The following MRPL21 variants were observed in gnomAD, a reference collection of about 807,000 sequenced individuals.
MRPL21 encodes the protein mitochondrial ribosomal protein L21.
Under a neutral mutation model 27.3 loss-of-function variants are expected in MRPL21, and 20 were observed. That is an observed-to-expected ratio of 0.73 (90% confidence interval 0.52 to 1.06). MRPL21 has a LOEUF of 1.06. Ranked by LOEUF, MRPL21 falls within the 50% of genes least tolerant of loss-of-function variation. The pLI is 0.00. For synonymous variants in MRPL21, 98 were observed against 101.5 expected, an observed-to-expected ratio of 0.97 and a Z score of 0.21; for missense variants, 249 against 251.4, an observed-to-expected ratio of 0.99 and a Z score of 0.06.
At chr11:68,893,549 ATGAGAAAGAC>A (rs1356378017) in intron 4 of MRPL21, 94 bp from the exon 5 acceptor site, 3 of 1,460,998 alleles carry the variant, frequency 2.1e-6, no homozygotes, top group African/African-American at 2.8e-5. Context: ...ACCACACAAA[ATGAGAAAGAC>A]TGAAAACATT....
intron 1 of MRPL21, 103 bp downstream of exon 1, chr11:68,903,620 C>T: frequency 8.2e-7 from 1 of 1,217,186 alleles, no homozygotes; most frequent in Non-Finnish European, 1.2e-6. Flanking sequence ...CAAATGCGAT[C>T]AACACACAAG....
At chr11:68,891,789 G>C (rs1857652523) in intron 6 of MRPL21, 2 of 465,600 alleles carry the variant, frequency 4.3e-6, no homozygotes. Flanking sequence ...GCCAATACCA[G>C]TATTCTGGGT....
chr11:68,894,427 C>T (rs937992081), intron 4 of MRPL21, among the ~76,000 whole-genome samples: 12 of 152,056 alleles, frequency 7.9e-5, no homozygotes, highest in African/African-American at 2.7e-4. Flanking sequence ...ACTACAGGCG[C>T]CCACCACAAA....
chr11:68,891,931 C>T, intron 6 of MRPL21: 2 of 575,042 alleles, frequency 3.5e-6, no homozygotes, highest in Non-Finnish European at 5.5e-6. Context: ...TCAGGATGCC[C>T]ACTATGGGGG....
At chr11:68,891,864 G>T in intron 6 of MRPL21, 1 of 474,982 alleles carries the variant, frequency 2.1e-6, no homozygotes, top group Non-Finnish European at 3.7e-6. Flanking sequence ...AGAGCTGTGA[G>T]GGACAGAATT....
Position 68,895,731 on chromosome 11 carries a change from C to A in MRPL21, c.396+784G>T, listed in dbSNP as rs551439491. Reference sequence around the variant, plus strand: ...TGTTGCCCAGGCTCGAGTGCAGTGGCCAATCACGGCTCACTGCAGCCTCAA... The same window carrying A: ...TGTTGCCCAGGCTCGAGTGCAGTGGACAATCACGGCTCACTGCAGCCTCAA... On this transcript the variant is annotated intron_variant, in intron 4 of 6. Transcript: ENST00000362034. Among the ~76,000 whole-genome samples the A allele has an allele frequency of 1.1e-4, 17 of 152,254 alleles. No homozygotes were observed. The South Asian group carries it at 3.5e-3, about 32-fold the overall frequency.
chr11:68,891,807 A>T, intron 6 of MRPL21: 1 of 458,114 alleles, frequency 2.2e-6, no homozygotes, highest in South Asian at 6.1e-5. Flanking sequence ...GGTATATTTA[A>T]CTATGCCCAC....
intron 2 of MRPL21, among the ~76,000 whole-genome samples, chr11:68,899,513 G>A (rs1017570906): frequency 1.3e-5 from 2 of 152,168 alleles, no homozygotes; most frequent in Non-Finnish European, 2.9e-5. Flanking sequence ...CGTGATCTGT[G>A]GTTGGTCAAT....
rs564894712 is a variant in MRPL21 at position 68,892,819 on chromosome 11, A to T, written c.553+71T>A. On this transcript the variant is annotated intron_variant, in intron 6 of 6. Transcript: ENST00000362034. ...CTGTCCCGAGACCCACGTGCCCCAC[A>T]CCCTCCGTCCGCATGCGCCTGGGCA... 68 of 1,571,032 alleles carry T rather than the reference A, an allele frequency of 4.3e-5. No homozygotes were observed. In the East Asian group the frequency reaches 1.5e-3, roughly 35 times the overall value.
intron 1 of MRPL21, among the ~76,000 whole-genome samples, chr11:68,902,875 T>C (rs1350715254): frequency 6.6e-6 from 1 of 152,170 alleles, no homozygotes; most frequent in Non-Finnish European, 1.5e-5. Flanking sequence ...TTTTCCAGAA[T>C]GTCATAGTGG....
intron 6 of MRPL21, chr11:68,891,759 C>T: frequency 2.0e-6 from 1 of 512,248 alleles, no homozygotes; most frequent in East Asian, 3.0e-5. Flanking sequence ...CTCCCCTACC[C>T]AGATGACTCT....
At chr11:68,896,045 T>C (rs1594404926) in intron 4 of MRPL21, among the ~76,000 whole-genome samples, 1 of 152,278 alleles carries the variant, frequency 6.6e-6, no homozygotes. Flanking sequence ...TCAACCAGTG[T>C]TTACTATTTA....
Position 68,903,806 on chromosome 11 carries a change from G to A in MRPL21, c.5C>T (p.Ala2Val), listed in dbSNP as rs1193657115. Residue 2 changes from alanine (A) to valine (V), a missense_variant, in exon 1 of 7, where the codon GCA becomes GTA. Coordinates refer to ENST00000362034, the MANE Select transcript of MRPL21 (RefSeq NM_181514.2). The stretch of plus-strand genomic sequence containing the variant: ...TAAGGTGACCGTCAGGGAAGATGCT[G>A]CCATGGCCGCAGCCTCGGCCGGAAA... M[A>V]ASSLTVTLGR... is the part of the protein sequence containing the mutation. The A allele has an allele frequency of 7.9e-7, 1 of 1,262,938 alleles. No individual in the cohort carries two copies. The highest frequency in any genetic ancestry group is 1.1e-6 in the Non-Finnish European group (1 of 917,214). The allele number at this position is 1,262,938 out of a possible 1,614,324, so 78.2% of individuals were successfully genotyped here. A position where few individuals can be genotyped will look rare whatever the true frequency, so the allele number is the denominator to read the frequency against.
At chr11:68,900,295 C>T (rs1039301924) in intron 2 of MRPL21, among the ~76,000 whole-genome samples, 4 of 152,060 alleles carry the variant, frequency 2.6e-5, no homozygotes, top group Non-Finnish European at 4.4e-5. Flanking sequence ...AGAAAAATAC[C>T]GTCAAAAAAG....
rs1257898889 is a variant in MRPL21, at chr11:68,900,622, A to G, written c.89-17T>C. On this transcript the variant is annotated splice_polypyrimidine_tract_variant and intron_variant, in intron 1 of 6. Transcript: ENST00000362034. Reference sequence around the variant, plus strand: ...AAAGGGAGGCTGAGGGAAGAAGAGAAACACAGATCATTACCATTAATACTA... The same window carrying G: ...AAAGGGAGGCTGAGGGAAGAAGAGAGACACAGATCATTACCATTAATACTA... 6.2e-7 allele frequency: 1 copy of G among 1,605,136 alleles called. No homozygotes were observed. The highest frequency in any genetic ancestry group is 8.5e-7 in the Non-Finnish European group (1 of 1,172,046).
Position 68,896,499 on chromosome 11 carries a change from A to G in MRPL21, c.396+16T>C, listed in dbSNP as rs1324294248. On this transcript the variant is annotated intron_variant, in intron 4 of 6. Transcript: ENST00000362034. ...GGCTGAGTCCCTGAATATCCAGAGA[A>G]GCTCGGTGGTCTCACCTTCTCCAGT... is the stretch of plus-strand genomic sequence containing the variant. 4 of 1,613,242 alleles carry G rather than the reference A, an allele frequency of 2.5e-6. No individual in the cohort carries two copies. Among genetic ancestry groups the G allele is most frequent in the Non-Finnish European group, 3.4e-6 (4 of 1,179,250 alleles).
chr11:68,893,089 T>C, intron 5 of MRPL21, 96 bp from the exon 6 acceptor site: 2 of 1,409,680 alleles, frequency 1.4e-6, no homozygotes, highest in Non-Finnish European at 1.9e-6. Context: ...CTTTCTCTTT[T>C]GTTGATTATA....
chr11:68,896,115 T>C (rs1409784641), intron 4 of MRPL21, among the ~76,000 whole-genome samples: 1 of 152,168 alleles, frequency 6.6e-6, no homozygotes, highest in Non-Finnish European at 1.5e-5. Context: ...AACTTAACAG[T>C]TTTTTCCTCA....
intron 3 of MRPL21, chr11:68,896,978 G>C: frequency 2.2e-6 from 1 of 453,442 alleles, no homozygotes; most frequent in Non-Finnish European, 4.0e-6. Flanking sequence ...CCTCGCCTAA[G>C]CACTCGGCAC....
Sources: gnomAD v4.1 joint callset for allele counts (sites outside exome capture counted in the v4.1 genomes callset) on GRCh38, gnomAD v4.1.1 for gene constraint, MANE v1.5 for transcripts, NCBI Gene and HGNC (gene_info 2026-07-23, HGNC 2026-07-21) for gene names.